Variants in SPATA16 observed in about 807,000 individuals in gnomAD.
The protein encoded by SPATA16 is spermatogenesis-associated protein 16.
Under a neutral mutation model 63.3 loss-of-function variants are expected in SPATA16, and 36 were observed. The observed-to-expected ratio is 0.57, with a 90% CI of 0.44 to 0.75. SPATA16 has a LOEUF of 0.75. Ranked by LOEUF, SPATA16 falls within the 30% of genes least tolerant of loss-of-function variation. SPATA16 has a pLI of 0.00. For missense variants in SPATA16, 646 were observed against 679.3 expected, an observed-to-expected ratio of 0.95 and a Z score of 0.54; for synonymous variants, 203 against 216.7, an observed-to-expected ratio of 0.94 and a Z score of 0.56.
intron 2 of SPATA16, among the ~76,000 whole-genome samples, chr3:173,104,092 G>T (rs1402375349): frequency 6.6e-6 from 1 of 152,128 alleles, no homozygotes; most frequent in Non-Finnish European, 1.5e-5. Context: ...CATAACAAGG[G>T]TGACCTTTGC....
chr3:173,059,831 G>A (rs1219581008), intron 2 of SPATA16, among the ~76,000 whole-genome samples: 1 of 89,540 alleles, frequency 1.1e-5, no homozygotes, highest in Admixed American at 1.3e-4. Flanking sequence ...CCATTTGGTA[G>A]CTTTTTTTTT....
At chr3:172,940,686 A>G (rs1252900244) in intron 6 of SPATA16, among the ~76,000 whole-genome samples, 5 of 152,174 alleles carry the variant, frequency 3.3e-5, no homozygotes, top group Non-Finnish European at 5.9e-5. Context: ...CTTAAAATAA[A>G]TGTTAAATTT....
chr3:173,112,748 A>G (rs1737778996), intron 2 of SPATA16, among the ~76,000 whole-genome samples: 1 of 152,308 alleles, frequency 6.6e-6, no homozygotes, highest in African/African-American at 2.4e-5. Context: ...TAGCACCTCA[A>G]GGGGCTGCTG....
At position 172,940,114 on chromosome 3, in the gene SPATA16, T is replaced by C. The variant is rs371327566; in HGVS notation, c.1082-14622A>G. Among the ~76,000 whole-genome samples the C allele has an allele frequency of 1.1e-3, 162 of 152,326 alleles. 1 individual carries two copies. The highest frequency in any genetic ancestry group is 9.7e-3 in the South Asian group (47 of 4,828). On this transcript the variant is annotated intron_variant, in intron 6 of 10. Coordinates refer to ENST00000351008, the MANE Select transcript of SPATA16 (RefSeq NM_031955.6). ...ACATCTCTCACCCCTACTATCTTGC[T>C]CTGTGCATCTCTTCCATTTGGCTGT...
intron 10 of SPATA16, among the ~76,000 whole-genome samples, chr3:172,900,502 C>G (rs144054531): frequency 5.3e-5 from 8 of 152,234 alleles, no homozygotes; most frequent in African/African-American, 1.7e-4. Context: ...CTTTTTTCAT[C>G]CTGCCCACTC....
chr3:173,103,364 G>A (rs1454006152), intron 2 of SPATA16, among the ~76,000 whole-genome samples: 13 of 152,242 alleles, frequency 8.5e-5, no homozygotes, highest in Admixed American at 6.5e-4. Context: ...GAGCATCTCT[G>A]TGGGGGCTCT....
At chr3:172,961,076 TCCTTCCTTCCTTC>T (rs1733768402) in intron 5 of SPATA16, among the ~76,000 whole-genome samples, 1 of 133,526 alleles carries the variant, frequency 7.5e-6, no homozygotes, top group Non-Finnish European at 1.6e-5. Context: ...CTTTCTTCCT[TCCTTCCTTCCTTC>T]CTTCCTTCCT....
chr3:173,132,865 A>C (rs1171167771), intron 1 of SPATA16, among the ~76,000 whole-genome samples: 1 of 152,176 alleles, frequency 6.6e-6, no homozygotes, highest in Non-Finnish European at 1.5e-5. Context: ...ATTACTTCAG[A>C]TTTAAAAGAA....
intron 6 of SPATA16, among the ~76,000 whole-genome samples, chr3:172,955,322 C>T (rs12636748): frequency 0.09 from 13,655 of 152,062 alleles, 743 homozygotes; most frequent in East Asian, 0.15. Context: ...ATAGCTGAAT[C>T]GAACTCATTT....
At chr3:173,064,044 T>C (rs532006272) in intron 2 of SPATA16, among the ~76,000 whole-genome samples, 1 of 152,176 alleles carries the variant, frequency 6.6e-6, no homozygotes, top group African/African-American at 2.4e-5. Flanking sequence ...CAGTGGCTCA[T>C]GCCTGTAATC....
At chr3:173,128,516 T>G (rs910544145) in intron 1 of SPATA16, among the ~76,000 whole-genome samples, 1 of 152,136 alleles carries the variant, frequency 6.6e-6, no homozygotes, top group Non-Finnish European at 1.5e-5. Context: ...ATTCAGCATG[T>G]CTGGGGTAAT....
chr3:173,070,668 A>T (rs1451169045), intron 2 of SPATA16, among the ~76,000 whole-genome samples: 1 of 152,242 alleles, frequency 6.6e-6, no homozygotes, highest in East Asian at 1.9e-4. Context: ...TCTATATGCC[A>T]ACAGCAAACA....
intron 4 of SPATA16, among the ~76,000 whole-genome samples, chr3:172,989,973 T>C (rs1219222162): frequency 1.3e-5 from 2 of 152,196 alleles, no homozygotes; most frequent in Admixed American, 1.3e-4. Context: ...TAACCCTTAT[T>C]ACAGTTAACC....
At chr3:172,977,104 A>G (rs996677916) in intron 4 of SPATA16, 52 bp from the exon 5 acceptor site, 3 of 1,446,126 alleles carry the variant, frequency 2.1e-6, no homozygotes, top group African/African-American at 1.4e-5. Flanking sequence ...TATAGGACAG[A>G]AGGAAAACCA....
At chr3:173,091,265 A>C (rs578229740) in intron 2 of SPATA16, among the ~76,000 whole-genome samples, 1 of 152,284 alleles carries the variant, frequency 6.6e-6, no homozygotes, top group African/African-American at 2.4e-5. Context: ...GTAAGAAGAG[A>C]GAATAGACCT....
At chr3:173,057,384 A>T (rs757867859) in intron 2 of SPATA16, among the ~76,000 whole-genome samples, 35 of 152,182 alleles carry the variant, frequency 2.3e-4, no homozygotes, top group Middle Eastern at 3.4e-3. Context: ...AAGTGCTATG[A>T]TTACAGGCTT....
At chr3:173,071,588 T>A (rs1269156902) in intron 2 of SPATA16, among the ~76,000 whole-genome samples, 1 of 151,864 alleles carries the variant, frequency 6.6e-6, no homozygotes, top group African/African-American at 2.4e-5. Context: ...CCAGAATATA[T>A]AAGGAGATCA....
rs532470084 is a variant in SPATA16, at chr3:173,057,678, T to C, written c.613-8584A>G. 2.7e-4 allele frequency among the ~76,000 whole-genome samples: 41 copies of C among 152,370 alleles called. No individual in the cohort carries two copies. The East Asian group carries it at 7.7e-3, about 29-fold the overall frequency. ...CATCTGGCCCTAGAGTCTGTGCGTT[T>C]AATCACGCACCAGAGCCACACAGTA... On this transcript the variant is annotated intron_variant, in intron 2 of 10. Transcript: ENST00000351008.
chr3:172,899,781 G>T (rs1732086259), intron 10 of SPATA16, among the ~76,000 whole-genome samples: 1 of 151,784 alleles, frequency 6.6e-6, no homozygotes, highest in Admixed American at 6.6e-5. Flanking sequence ...TTTTTGTATG[G>T]CTTTTTGAGT....
Sources: gnomAD v4.1 joint callset for allele counts (sites outside exome capture counted in the v4.1 genomes callset) on GRCh38, gnomAD v4.1.1 for gene constraint, MANE v1.5 for transcripts, NCBI Gene and HGNC (gene_info 2026-07-23, HGNC 2026-07-21) for gene names.